XKR9: variants seen among roughly 807,000 people sequenced by gnomAD.
The protein encoded by XKR9 is XK-related protein 9.
A neutral mutation model predicts 32.0 loss-of-function variants in XKR9; 32 were observed. The observed-to-expected ratio is 1.00, with a 90% CI of 0.76 to 1.34. The LOEUF is 1.34. Among genes scored for constraint, XKR9 ranks in the 40% most tolerant of loss-of-function variants. XKR9 has a pLI of 0.00. For missense variants in XKR9, 546 were observed against 429.7 expected (o/e 1.27, Z -2.39); for synonymous variants, 168 against 143.4 (o/e 1.17, Z -1.22).
intron 2 of XKR9, among the ~76,000 whole-genome samples, chr8:70,781,367 G>C (rs972366131): frequency 1.3e-5 from 2 of 151,732 alleles, no homozygotes; most frequent in Non-Finnish European, 2.9e-5. Flanking sequence ...TGATTTTGTG[G>C]GTTGTCTTTT....
chr8:70,999,596 T>C, the XKR9 span, among the ~76,000 whole-genome samples: 1 of 152,196 alleles, frequency 6.6e-6, no homozygotes, highest in African/African-American at 2.4e-5. Flanking sequence ...AAAAAAACCC[T>C]TAATGTGTTC....
chr8:70,712,244 A>G (rs928967040), intron 4 of XKR9, among the ~76,000 whole-genome samples: 79 of 152,174 alleles, frequency 5.2e-4, no homozygotes, highest in African/African-American at 1.9e-3. Context: ...TGAGAGGCTA[A>G]GTTATTCAAC....
chr8:70,740,815 G>T (rs1031075928), downstream of XKR9, among the ~76,000 whole-genome samples: 2 of 152,168 alleles, frequency 1.3e-5, no homozygotes, highest in Non-Finnish European at 2.9e-5. Flanking sequence ...CTGTCTGATC[G>T]TTCCTCTGAA....
At chr8:70,700,106 A>G (rs986827925) in intron 3 of XKR9, among the ~76,000 whole-genome samples, 37 of 152,218 alleles carry the variant, frequency 2.4e-4, no homozygotes, top group Admixed American at 1.8e-3. Flanking sequence ...AAAGTTTTTA[A>G]CTTCTTTGCC....
the XKR9 span, among the ~76,000 whole-genome samples, chr8:70,842,547 TACACACACACAC>T: frequency 5.9e-4 from 88 of 149,134 alleles, no homozygotes; most frequent in Non-Finnish European, 1.0e-3. Context: ...CATCATTATT[TACACACACACAC>T]ACACACACAC....
chr8:70,778,033 C>T (rs1049104260), intron 2 of XKR9, among the ~76,000 whole-genome samples: 7 of 152,170 alleles, frequency 4.6e-5, no homozygotes, highest in Non-Finnish European at 1.0e-4. Context: ...TTGCCCATGC[C>T]TATGTCCTGA....
intron 2 of XKR9, among the ~76,000 whole-genome samples, chr8:70,787,068 G>T (rs931363668): frequency 3.9e-5 from 6 of 152,082 alleles, no homozygotes; most frequent in Admixed American, 2.0e-4. Context: ...TTTAAGTTTA[G>T]AACTAATCCT....
chr8:70,733,691 C>T (rs6980835), intron 4 of XKR9, 105 bp from the exon 5 acceptor site: 393,825 of 1,032,016 alleles, frequency 0.38, 81,042 homozygotes, highest in Non-Finnish European at 0.43. Flanking sequence ...AAGTATGTGA[C>T]GTGTTTGTGG....
At chr8:71,028,732 A>G in the XKR9 span, among the ~76,000 whole-genome samples, 1 of 152,228 alleles carries the variant, frequency 6.6e-6, no homozygotes, top group East Asian at 1.9e-4. Flanking sequence ...GTAAGTATAT[A>G]CAATTATGAT....
chr8:70,949,677 A>G, the XKR9 span, among the ~76,000 whole-genome samples: 2 of 151,810 alleles, frequency 1.3e-5, no homozygotes, highest in South Asian at 2.1e-4. Context: ...TTGCAAATAT[A>G]CTCCAGTAGC....
intron 2 of XKR9, among the ~76,000 whole-genome samples, chr8:70,767,193 C>T (rs1807389164): frequency 6.6e-6 from 1 of 152,124 alleles, no homozygotes; most frequent in Non-Finnish European, 1.5e-5. Context: ...CCTCTTTGTA[C>T]CTCTGGTAGA....
At chr8:70,778,934 CTTTA>C (rs1807572514) in intron 2 of XKR9, among the ~76,000 whole-genome samples, 1 of 151,476 alleles carries the variant, frequency 6.6e-6, no homozygotes, top group South Asian at 2.1e-4. Flanking sequence ...ATGGAATACC[CTTTA>C]TTTCTCTTTC....
the XKR9 span, among the ~76,000 whole-genome samples, chr8:71,055,541 TGAAACA>T: frequency 3.8e-4 from 58 of 152,252 alleles, no homozygotes; most frequent in African/African-American, 1.4e-3. Flanking sequence ...CCATTATGCC[TGAAACA>T]GAACCCTCTT....
chr8:71,031,308 A>G, the XKR9 span, among the ~76,000 whole-genome samples: 1 of 152,198 alleles, frequency 6.6e-6, no homozygotes, highest in East Asian at 1.9e-4. Context: ...CTACTCAAGT[A>G]AATTTCATGG....
At chr8:70,714,146 CACTA>C (rs1806012383) in intron 4 of XKR9, among the ~76,000 whole-genome samples, 2 of 152,152 alleles carry the variant, frequency 1.3e-5, no homozygotes, top group South Asian at 4.2e-4. Context: ...TTTACAGTGA[CACTA>C]GTCCTAATGG....
chr8:70,762,098 T>C (rs1046137020), intron 2 of XKR9, among the ~76,000 whole-genome samples: 3 of 152,200 alleles, frequency 2.0e-5, no homozygotes, highest in African/African-American at 7.2e-5. Flanking sequence ...TTGGTTACTG[T>C]AGCCCTGTAG....
chr8:70,925,542 T>A, the XKR9 span, among the ~76,000 whole-genome samples: 1 of 152,256 alleles, frequency 6.6e-6, no homozygotes, highest in Non-Finnish European at 1.5e-5. Flanking sequence ...ATGAAATTAA[T>A]CTTTATTCTT....
the XKR9 span, among the ~76,000 whole-genome samples, chr8:71,039,115 T>C: frequency 2.6e-5 from 4 of 152,266 alleles, no homozygotes; most frequent in African/African-American, 9.6e-5. Context: ...AGGATGCTGA[T>C]TTTAACAATC....
the XKR9 span, among the ~76,000 whole-genome samples, chr8:70,802,347 C>T: frequency 6.6e-6 from 1 of 152,130 alleles, no homozygotes; most frequent in Non-Finnish European, 1.5e-5. Flanking sequence ...TTTCTCTTTC[C>T]CTTTATTTTG....
Sources: allele counts gnomAD v4.1 joint callset (sites outside exome capture counted in the v4.1 genomes callset), GRCh38; gene constraint gnomAD v4.1.1; transcripts MANE v1.5; gene names NCBI Gene and HGNC (gene_info 2026-07-23, HGNC 2026-07-21).